Variants in RPF1 observed in about 807,000 individuals in gnomAD.
RPF1 encodes ribosome production factor 1 homolog.
In RPF1, 34 loss-of-function variants were observed where a neutral mutation model predicts 41.9. The ratio of observed to expected loss-of-function variants is 0.81; its 90% CI spans 0.62 to 1.08. The LOEUF is 1.08. Among genes scored for constraint, RPF1 ranks in the 50% least tolerant of loss-of-function variants. The pLI, the probability that RPF1 is intolerant of heterozygous loss-of-function variation, is 0.00. For synonymous variants in RPF1, 140 were observed against 148.9 expected (o/e 0.94, Z 0.43); for missense variants, 425 against 435.2 (o/e 0.98, Z 0.21).
rs1184098323 is a variant in RPF1 at position 84,496,384 on chromosome 1, G to A, written c.1008+14G>A. ...TGGGTCCATAAGGTATGTGCTTATT[G>A]TTTAAAAAGACTAAGTCATTTTTAA... On this transcript the variant is annotated intron_variant, in intron 8 of 8. Transcript: ENST00000370654. 4 of 1,579,740 alleles carry A rather than the reference G, an allele frequency of 2.5e-6. No homozygotes were observed. The East Asian group carries it at 9.0e-5, about 36-fold the overall frequency.
chr1:84,497,586 A>AC lies in RPF1; in HGVS notation c.*117dup. 1.6e-6 allele frequency: 1 copy of AC among 631,746 alleles called. No homozygotes were observed. The highest frequency in any genetic ancestry group is 2.6e-6 in the Non-Finnish European group (1 of 386,322). The allele number at this position is 631,746 out of a possible 1,614,324, so 39.1% of individuals were successfully genotyped here. On this transcript the variant is annotated 3_prime_UTR_variant, in exon 9 of 9. Coordinates refer to ENST00000370654, the MANE Select transcript of RPF1 (RefSeq NM_025065.7). Reference sequence around the variant, plus strand: ...CATTTGCTGATTTCATAAACCTTTCACGTCTGGACGAATTACCAAATGCCA... The same window carrying AC: ...CATTTGCTGATTTCATAAACCTTTCACCGTCTGGACGAATTACCAAATGCCA...
Position 84,480,868 on chromosome 1 carries a change from A to C in RPF1, c.229-88A>C, listed in dbSNP as rs1681633210. On this transcript the variant is annotated intron_variant, in intron 1 of 8. Coordinates refer to ENST00000370654, the MANE Select transcript of RPF1 (RefSeq NM_025065.7). ...CAAAGACCGCCCAGTTCGAGTATTC[A>C]TAGCATTAGTAATTTGTAGTTTCAG... 5 of 731,828 alleles carry C rather than the reference A, an allele frequency of 6.8e-6. No individual in the cohort carries two copies. In the East Asian group the frequency reaches 1.3e-4, roughly 19 times the overall value. The allele number at this position is 731,828 out of a possible 1,614,324, so 45.3% of individuals were successfully genotyped here. A position where few individuals can be genotyped will look rare whatever the true frequency, so the allele number is the denominator to read the frequency against.
Position 84,480,936 on chromosome 1 carries a change from C to A in RPF1, c.229-20C>A. The A allele has an allele frequency of 7.3e-7, 1 of 1,368,896 alleles. No individual in the cohort carries two copies. The highest frequency in any genetic ancestry group is 1.0e-6 in the Non-Finnish European group (1 of 970,556). The allele number at this position is 1,368,896 out of a possible 1,614,324, so 84.8% of individuals were successfully genotyped here. On this transcript the variant is annotated intron_variant, in intron 1 of 8. Coordinates refer to ENST00000370654, the MANE Select transcript of RPF1 (RefSeq NM_025065.7). The stretch of plus-strand genomic sequence containing the variant: ...ACTGGTTGTTTCTCAGTATTGTTCT[C>A]TTTTTTTTTAACCCTTTAGGAAAAG...
chr1:84,493,605 GA>G (rs1188487454), intron 5 of RPF1, among the ~76,000 whole-genome samples: 2 of 150,826 alleles, frequency 1.3e-5, no homozygotes, highest in South Asian at 2.1e-4. Flanking sequence ...AAAAACAAAA[GA>G]AAAAAATTCC....
chr1:84,488,796 A>G (rs147087014), intron 3 of RPF1, among the ~76,000 whole-genome samples: 1,691 of 152,228 alleles, frequency 0.011, 11 homozygotes, highest in Non-Finnish European at 0.017. Flanking sequence ...TTCTTTGCAA[A>G]TATTGAGGTG....
At chr1:84,493,639 G>A (rs1015407767) in intron 5 of RPF1, among the ~76,000 whole-genome samples, 1 of 151,806 alleles carries the variant, frequency 6.6e-6, no homozygotes, top group African/African-American at 2.4e-5. Flanking sequence ...AGTTTTAACA[G>A]ATTAGTTGGG....
intron 6 of RPF1, 81 bp downstream of exon 6, chr1:84,495,536 C>G (rs1681918943): frequency 3.0e-6 from 2 of 669,312 alleles, no homozygotes; most frequent in Non-Finnish European, 5.0e-6. Context: ...TCTTATAGCT[C>G]TAATTTATTT....
intron 2 of RPF1, among the ~76,000 whole-genome samples, chr1:84,481,696 C>T (rs1166710420): frequency 6.6e-6 from 1 of 152,118 alleles, no homozygotes; most frequent in Non-Finnish European, 1.5e-5. Flanking sequence ...TTTTAAACTA[C>T]TAAATGCTCA....
In RPF1 at chr1:84,479,417, G is replaced by C; in HGVS notation, c.136G>C (p.Ala46Pro). The C allele has an allele frequency of 6.2e-7, 1 of 1,614,248 alleles. No individual in the cohort carries two copies. The highest frequency in any genetic ancestry group is 8.5e-7 in the Non-Finnish European group (1 of 1,180,036). The change falls in exon 1 of 9, where the codon GCT (alanine) becomes CCT (proline). Residue 46 changes from alanine to proline, a missense_variant. Physicochemically the swap from Ala to Pro is conservative, Grantham distance 27. Coordinates refer to ENST00000370654, the MANE Select transcript of RPF1 (RefSeq NM_025065.7). ...AAACGGGGTCCAACCCCCGAAAGCG[G>C]CTGCCTTTCCGCCAGGCTTTAGCAT... ...TENGVQPPKA[A>P]AFPPGFSISE...
At chr1:84,479,935 C>T (rs1681613470) in intron 1 of RPF1, among the ~76,000 whole-genome samples, 1 of 152,184 alleles carries the variant, frequency 6.6e-6, no homozygotes, top group Admixed American at 6.5e-5. Context: ...TGCAGGAGCT[C>T]CTTACCGAAA....
chr1:84,490,223 T>G (rs1207610169), intron 4 of RPF1, 96 bp from the exon 5 acceptor site: 1 of 780,448 alleles, frequency 1.3e-6, no homozygotes, highest in East Asian at 3.1e-5. Flanking sequence ...CTATTAATCA[T>G]AATAATTATT....
rs1439276780 is a variant in RPF1, at chr1:84,496,556, ACC to A, written c.1008+188_1008+189del. ...ACAAACCTGTACATCCTGCACATAT[ACC>A]CTTGAACTAAAAAAAAAAAAAAAAA... On this transcript the variant is annotated intron_variant, in intron 8 of 8. Coordinates refer to ENST00000370654, the MANE Select transcript of RPF1 (RefSeq NM_025065.7). 3.5e-3 allele frequency among the ~76,000 whole-genome samples: 451 copies of A among 129,066 alleles called. 2 individuals are homozygous for A. The highest frequency in any genetic ancestry group is 0.012 in the African/African-American group (425 of 36,906). The allele number at this position is 129,066 out of a possible 152,430, so 84.7% of individuals were successfully genotyped here.
At chr1:84,486,124 G>A (rs1463652786) in intron 3 of RPF1, among the ~76,000 whole-genome samples, 2 of 152,122 alleles carry the variant, frequency 1.3e-5, no homozygotes, top group South Asian at 4.1e-4. Flanking sequence ...TGCTTTTTAA[G>A]AATAACAAGG....
chr1:84,480,993 G>A lies in RPF1; in HGVS notation c.266G>A (p.Arg89Lys). The change falls in exon 2 of 9, where the codon AGA (arginine) becomes AAA (lysine). Residue 89 changes from arginine to lysine, a missense_variant. By Grantham distance (26) the Arg-to-Lys change is conservative. Transcript: ENST00000370654. ...GCTAAGAAAAAACTTAAAAAAGAAA[G>A]AGAGGCTCTTGGCGATAAGGTAAAT... is the stretch of plus-strand genomic sequence containing the variant. The part of the protein sequence containing the change: ...LAAKKKLKKE[R>K]EALGDKAPPK... 6.3e-7 allele frequency: 1 copy of A among 1,594,788 alleles called. No homozygotes were observed. The highest frequency in any genetic ancestry group is 1.1e-5 in the South Asian group (1 of 89,350).
chr1:84,481,698 A>G (rs1570343981), intron 2 of RPF1, among the ~76,000 whole-genome samples: 1 of 152,184 alleles, frequency 6.6e-6, no homozygotes. Context: ...TTAAACTACT[A>G]AATGCTCATA....
intron 1 of RPF1, among the ~76,000 whole-genome samples, chr1:84,480,482 T>A (rs1384660470): frequency 6.6e-6 from 1 of 152,210 alleles, no homozygotes; most frequent in East Asian, 1.9e-4. Flanking sequence ...AGAAGTATAT[T>A]TTGATTATAA....
intron 3 of RPF1, among the ~76,000 whole-genome samples, chr1:84,487,697 ATAAT>A (rs1681759386): frequency 6.6e-6 from 1 of 152,144 alleles, no homozygotes; most frequent in African/African-American, 2.4e-5. Context: ...TCCTTCTAAA[ATAAT>A]TAAAGAGTTG....
At chr1:84,492,906 T>C (rs1681861089) in intron 5 of RPF1, among the ~76,000 whole-genome samples, 1 of 152,182 alleles carries the variant, frequency 6.6e-6, no homozygotes, top group Non-Finnish European at 1.5e-5. Context: ...AGTCCCACCG[T>C]GGTTGAGATC....
rs1368962315 is a variant in RPF1, at chr1:84,482,974, A to G, written c.345A>G (p.Thr115=). 2 of 1,604,626 alleles carry G rather than the reference A, an allele frequency of 1.2e-6. No individual in the cohort carries two copies. Among genetic ancestry groups the G allele is most frequent in the East Asian group, 4.5e-5 (2 of 44,810 alleles). The change falls in exon 3 of 9, where the codon ACA becomes ACG. Residue 115 remains threonine (T), a synonymous_variant. Transcript: ENST00000370654. ...IDNQRVYDET[T]VDPNDEEVAY... ...ACCAGCGAGTGTATGATGAAACCAC[A>G]GTAGACCCTAATGATGAAGAGGTAA...
Sources: gnomAD v4.1 joint callset for allele counts (sites outside exome capture counted in the v4.1 genomes callset) on GRCh38, gnomAD v4.1.1 for gene constraint, MANE v1.5 for transcripts, NCBI Gene and HGNC (gene_info 2026-07-23, HGNC 2026-07-21) for gene names.